The following NYAP1 variants were observed in gnomAD, a reference collection of about 807,000 sequenced individuals.
NYAP1 encodes the protein neuronal tyrosine-phosphorylated phosphoinositide-3-kinase adapter 1.
NYAP1 carries 20 observed loss-of-function variants against 58.6 expected under a neutral mutation model. That is an observed-to-expected ratio of 0.34 (90% CI 0.24 to 0.50). The LOEUF is 0.50. Among genes scored for constraint, NYAP1 ranks in the 20% least tolerant of loss-of-function variants. The pLI, the probability that NYAP1 is intolerant of heterozygous loss-of-function variation, is 0.98. For synonymous variants in NYAP1, 572 were observed against 523.1 expected (o/e 1.09, Z -1.27); for missense variants, 1,150 against 1,194.5 (o/e 0.96, Z 0.55).
chr7:100,490,782 C>G lies in NYAP1; in HGVS notation c.2158+53C>G. 7.0e-7 allele frequency: 1 copy of G among 1,426,788 alleles called. No individual in the cohort carries two copies. The highest frequency in any genetic ancestry group is 9.3e-7 in the Non-Finnish European group (1 of 1,070,704). The allele number at this position is 1,426,788 out of a possible 1,614,324, so 88.4% of individuals were successfully genotyped here. ...CAGCGGGGCTGGCTGGGGGATCTCCCGGGGTCTAGCTGCACCTGTCCTGAC... is the reference window on the plus strand; with the variant it reads ...CAGCGGGGCTGGCTGGGGGATCTCCGGGGGTCTAGCTGCACCTGTCCTGAC... On this transcript the variant is annotated intron_variant, in intron 5 of 6. Transcript: ENST00000300179. The surrounding 1 kb of genome is among the most constrained non-coding windows in gnomAD (Gnocchi z 4.6).
chr7:100,491,962 G>A (rs1799801398), intron 6 of NYAP1, among the ~76,000 whole-genome samples: 2 of 152,162 alleles, frequency 1.3e-5, no homozygotes, highest in African/African-American at 2.4e-5. Flanking sequence ...CATAAGAATC[G>A]CCTGAACCCG....
At chr7:100,493,247 C>T (rs984086572) in intron 6 of NYAP1, among the ~76,000 whole-genome samples, 1 of 152,052 alleles carries the variant, frequency 6.6e-6, no homozygotes, top group Non-Finnish European at 1.5e-5. Context: ...GTCCCAGCTA[C>T]TTGGGAGGGA....
Position 100,485,261 on chromosome 7 carries a change from G to A in NYAP1, c.-51G>A. 1 of 1,215,326 alleles carries A rather than the reference G, an allele frequency of 8.2e-7. No homozygotes were observed. Among genetic ancestry groups the A allele is most frequent in the Non-Finnish European group, 1.2e-6 (1 of 840,404 alleles). 75.3% of individuals were successfully genotyped at this position (1,215,326 alleles called of 1,614,324 possible). ...GGACCCAGGGAGGGCCGCCCCCCGG[G>A]CCTGGTGGCACTGAGCAGGGCCCCC... is the stretch of plus-strand genomic sequence containing the variant. On this transcript the variant is annotated 5_prime_UTR_variant, in exon 2 of 7. Coordinates refer to ENST00000300179, the MANE Select transcript of NYAP1 (RefSeq NM_173564.4). This position sits in a 1 kb window ranked among gnomAD's most constrained non-coding sequence, Gnocchi z 5.7.
In NYAP1 at chr7:100,488,429, G is replaced by A; in HGVS notation, c.708G>A (p.Gly236=). The A allele has an allele frequency of 6.2e-7, 1 of 1,601,278 alleles. No homozygotes were observed. Among genetic ancestry groups the A allele is most frequent in the South Asian group, 1.1e-5 (1 of 90,022 alleles). The change falls in exon 4 of 7, where the codon GGG becomes GGA. Residue 236 remains glycine (G), a synonymous_variant. Transcript: ENST00000300179. The surrounding 1 kb of genome is among the most constrained non-coding windows in gnomAD (Gnocchi z 5.9). ...GGGRSGGGLA[G]PPLGGGGPTP... ...GACGAAGTGGAGGAGGCCTGGCTGG[G>A]CCCCCTCTTGGGGGTGGGGGCCCGA...
chr7:100,489,382 C>G lies in NYAP1; in HGVS notation c.1661C>G (p.Thr554Arg), dbSNP rs199771119. Reference sequence around the variant, plus strand: ...ACCCCGCTGTGGACCTACCCAGCCACAGCAGCTGGGCTCAAGAGACCCCCT... The same window carrying G: ...ACCCCGCTGTGGACCTACCCAGCCAGAGCAGCTGGGCTCAAGAGACCCCCT... ...PLTPLWTYPATAAGLKRPPAY... is the reference protein window; with the variant it reads ...PLTPLWTYPARAAGLKRPPAY... Residue 554 changes from threonine to arginine, a missense_variant, in exon 4 of 7, where the codon ACA becomes AGA. Coordinates refer to ENST00000300179, the MANE Select transcript of NYAP1 (RefSeq NM_173564.4). 269 of 1,612,780 alleles carry G rather than the reference C, an allele frequency of 1.7e-4. 1 individual carries two copies. The highest frequency in any genetic ancestry group is 2.0e-4 in the Non-Finnish European group (240 of 1,179,958).
chr7:100,487,086 C>A lies in NYAP1; in HGVS notation c.334C>A (p.Arg112=). The stretch of plus-strand genomic sequence containing the variant: ...GGGCCTCACAGAGGACAGCAGCACC[C>A]GAAGACCCCCTGCCAAGCCCCGGAG... The part of the protein sequence containing the change: ...SGGLTEDSST[R]RPPAKPRRHP... The change falls in exon 3 of 7, where the codon CGA becomes AGA. Residue 112 remains arginine, a synonymous_variant. Coordinates refer to ENST00000300179, the MANE Select transcript of NYAP1 (RefSeq NM_173564.4). This position sits in a 1 kb window ranked among gnomAD's most constrained non-coding sequence, Gnocchi z 4.1. 1 of 1,594,050 alleles carries A rather than the reference C, an allele frequency of 6.3e-7. No individual in the cohort carries two copies. The highest frequency in any genetic ancestry group is 1.1e-5 in the South Asian group (1 of 88,930).
In NYAP1 at chr7:100,490,477, C is replaced by G. The variant is rs1204215321; in HGVS notation, c.1946-40C>G. 1 of 1,526,208 alleles carries G rather than the reference C, an allele frequency of 6.6e-7. No homozygotes were observed. Among genetic ancestry groups the G allele is most frequent in the Non-Finnish European group, 8.9e-7 (1 of 1,122,272 alleles). 94.5% of individuals were successfully genotyped at this position (1,526,208 alleles called of 1,614,324 possible). On this transcript the variant is annotated intron_variant, in intron 4 of 6. Transcript: ENST00000300179. This position sits in a 1 kb window ranked among gnomAD's most constrained non-coding sequence, Gnocchi z 4.6. ...TGGCCAGAGGGACAGAATGACGCCT[C>G]CAACATGCAGGCACACAGCTCTCCT...
In NYAP1 at chr7:100,490,601, C is replaced by T. The variant is rs775026055; in HGVS notation, c.2030C>T (p.Ser677Leu). ...CGTGAGGACAGGGGCCCTGGGACATCGGGGATCCCAGTGAGAAGCCAGGGG... is the reference window on the plus strand; with the variant it reads ...CGTGAGGACAGGGGCCCTGGGACATTGGGGATCCCAGTGAGAAGCCAGGGG... ...VEREDRGPGT[S>L]GIPVRSQGAE... The change falls in exon 5 of 7, where the codon TCG becomes TTG. Residue 677 changes from serine to leucine, a missense_variant. Physicochemically the swap from Ser to Leu is moderately radical, Grantham distance 145. Transcript: ENST00000300179. This position sits in a 1 kb window ranked among gnomAD's most constrained non-coding sequence, Gnocchi z 4.6. The T allele has an allele frequency of 8.9e-6, 14 of 1,578,194 alleles. No individual in the cohort carries two copies. The highest frequency in any genetic ancestry group is 2.3e-5 in the South Asian group (2 of 86,058).
Position 100,490,874 on chromosome 7 carries a change from T to G in NYAP1, c.2159-112T>G. 1 of 1,068,352 alleles carries G rather than the reference T, an allele frequency of 9.4e-7. No individual in the cohort carries two copies. Among genetic ancestry groups the G allele is most frequent in the Non-Finnish European group, 1.3e-6 (1 of 745,678 alleles). The allele number at this position is 1,068,352 out of a possible 1,614,324, so 66.2% of individuals were successfully genotyped here. A position where few individuals can be genotyped will look rare whatever the true frequency, so the allele number is the denominator to read the frequency against. On this transcript the variant is annotated intron_variant, in intron 5 of 6. Transcript: ENST00000300179. The surrounding 1 kb of genome is among the most constrained non-coding windows in gnomAD (Gnocchi z 4.6). ...CTCATACCACATCTCCACCCCTTTT[T>G]CCCTTCTGATGAGGCAGGGGCAGCC...
rs1374818597 is a variant in NYAP1, at chr7:100,490,521, C to T, written c.1950C>T (p.Val650=). The T allele has an allele frequency of 2.5e-6, 4 of 1,580,754 alleles. No homozygotes were observed. Among genetic ancestry groups the T allele is most frequent in the African/African-American group, 1.3e-5 (1 of 74,482 alleles). Residue 650 remains valine (V), a synonymous_variant, in exon 5 of 7, where the codon GTC becomes GTT. Coordinates refer to ENST00000300179, the MANE Select transcript of NYAP1 (RefSeq NM_173564.4). This position sits in a 1 kb window ranked among gnomAD's most constrained non-coding sequence, Gnocchi z 4.6. ...CTCTCCTTGTCATCCCAGCAGAGGT[C>T]GAGGACGGTGCCCGGGCCTGGAATG... is the stretch of plus-strand genomic sequence containing the variant. ...GGRKAKELDK[V]EDGARAWNGS...
chr7:100,490,316 TG>T lies in NYAP1; in HGVS notation c.1946-199del, dbSNP rs755775641. ...AGACATGATTCTCAGCCCCAAGAGATGGTACCAATGGGTGGAAAGGAAGGGG... is the reference window on the plus strand; with the variant it reads ...AGACATGATTCTCAGCCCCAAGAGATGTACCAATGGGTGGAAAGGAAGGGG... On this transcript the variant is annotated intron_variant, in intron 4 of 6. Transcript: ENST00000300179. The surrounding 1 kb of genome is among the most constrained non-coding windows in gnomAD (Gnocchi z 4.6). 6.6e-5 allele frequency among the ~76,000 whole-genome samples: 10 copies of T among 151,988 alleles called. No individual in the cohort carries two copies. Among genetic ancestry groups the T allele is most frequent in the Non-Finnish European group, 1.0e-4 (7 of 67,944 alleles).
Position 100,493,775 on chromosome 7 carries a change from G to A in NYAP1, c.2398G>A (p.Asp800Asn). ...GGAGATCAAGGCGCGCCACCGCCCG[G>A]ACCGAGGCCTCTGCAAGCAGGAGAG... ...CKEIKARHRP[D>N]RGLCKQESMP... Residue 800 changes from aspartate to asparagine, a missense_variant, in exon 7 of 7, where the codon GAC (aspartate) becomes AAC (asparagine). Transcript: ENST00000300179. 1.2e-6 allele frequency: 2 copies of A among 1,605,662 alleles called. No individual in the cohort carries two copies. The highest frequency in any genetic ancestry group is 1.7e-6 in the Non-Finnish European group (2 of 1,178,384).
rs1799790123 is a variant in NYAP1 at position 100,491,073 on chromosome 7, A to G, written c.2246A>G (p.Gln749Arg). ...VVLHTPRPCS[Q>R]PRDALSQPHP... ...CTCCACACACCCCGGCCCTGCAGCC[A>G]GCCCAGGGATGCCCTGAGCCAGGTG... The change falls in exon 6 of 7, where the codon CAG becomes CGG. Residue 749 changes from glutamine (Q) to arginine (R), a missense_variant. Physicochemically the swap from Gln to Arg is conservative, Grantham distance 43. Coordinates refer to ENST00000300179, the MANE Select transcript of NYAP1 (RefSeq NM_173564.4). The G allele has an allele frequency of 6.4e-7, 1 of 1,558,044 alleles. No homozygotes were observed. Among genetic ancestry groups the G allele is most frequent in the South Asian group, 1.2e-5 (1 of 84,498 alleles).
At chr7:100,491,525 A>T (rs973731789) in intron 6 of NYAP1, among the ~76,000 whole-genome samples, 1 of 151,282 alleles carries the variant, frequency 6.6e-6, no homozygotes, top group Non-Finnish European at 1.5e-5. Flanking sequence ...TTACCCTGGG[A>T]GGTGGAGGTT....
Position 100,486,998 on chromosome 7 carries a change from C to T in NYAP1, c.246C>T (p.Ser82=), listed in dbSNP as rs569558355. 1.2e-6 allele frequency: 2 copies of T among 1,608,922 alleles called. No homozygotes were observed. The highest frequency in any genetic ancestry group is 1.7e-5 in the Admixed American group (1 of 59,546). Residue 82 remains serine, a synonymous_variant, in exon 3 of 7, where the codon TCC becomes TCT. Coordinates refer to ENST00000300179, the MANE Select transcript of NYAP1 (RefSeq NM_173564.4). The surrounding 1 kb of genome is among the most constrained non-coding windows in gnomAD (Gnocchi z 6.2). The part of the protein sequence containing the change: ...HPCRSAMAPR[S]LSCHSVGSMD... ...GCCGCAGCGCCATGGCCCCACGCTC[C>T]CTCTCCTGCCACTCGGTGGGCAGCA...
At chr7:100,492,278 C>T (rs891056786) in intron 6 of NYAP1, among the ~76,000 whole-genome samples, 1 of 150,966 alleles carries the variant, frequency 6.6e-6, no homozygotes, top group South Asian at 2.1e-4. Context: ...GGGCCTGAGC[C>T]AGCGCAGACA....
rs199667288 is a variant in NYAP1 at position 100,490,993 on chromosome 7, G to C, written c.2166G>C (p.Thr722=). 17 of 1,550,368 alleles carry C rather than the reference G, an allele frequency of 1.1e-5. No individual in the cohort carries two copies. Among genetic ancestry groups the C allele is most frequent in the Non-Finnish European group, 1.5e-5 (17 of 1,145,764 alleles). Residue 722 remains threonine, a synonymous_variant, in exon 6 of 7, where the codon ACG becomes ACC. Transcript: ENST00000300179. This position sits in a 1 kb window ranked among gnomAD's most constrained non-coding sequence, Gnocchi z 4.6. The stretch of plus-strand genomic sequence containing the variant: ...CTCCTTCTTCCACCTCAGACTTCAC[G>C]GGAGGCTACCGCCTGGGGCGCTCCG... ...FPACHRNGDF[T]GGYRLGRSAS...
chr7:100,491,060 C>T lies in NYAP1; in HGVS notation c.2233C>T (p.Arg745Trp), dbSNP rs752933762. The T allele has an allele frequency of 1.3e-5, 20 of 1,559,258 alleles. No individual in the cohort carries two copies. Among genetic ancestry groups the T allele is most frequent in the African/African-American group, 9.5e-5 (7 of 73,412 alleles). Residue 745 changes from arginine to tryptophan, a missense_variant, in exon 6 of 7, where the codon CGG (arginine) becomes TGG (tryptophan). By Grantham distance (101) the Arg-to-Trp change is moderately radical. Coordinates refer to ENST00000300179, the MANE Select transcript of NYAP1 (RefSeq NM_173564.4). Reference protein sequence around the residue: ...GVRQVVLHTPRPCSQPRDALS... With the variant: ...GVRQVVLHTPWPCSQPRDALS... ...CCGGCAGGTCGTGCTCCACACACCC[C>T]GGCCCTGCAGCCAGCCCAGGGATGC...
In NYAP1 at chr7:100,490,738, G is replaced by T; in HGVS notation, c.2158+9G>T. On this transcript the variant is annotated intron_variant, in intron 5 of 6. Transcript: ENST00000300179. This position sits in a 1 kb window ranked among gnomAD's most constrained non-coding sequence, Gnocchi z 4.6. ...CTGCCACCGCAATGGAGGTGACGCG[G>T]CCTGCACACACCTGTGCACAGCGGG... 1 of 1,500,508 alleles carries T rather than the reference G, an allele frequency of 6.7e-7. No homozygotes were observed. The highest frequency in any genetic ancestry group is 8.9e-7 in the Non-Finnish European group (1 of 1,120,954). 92.9% of individuals were successfully genotyped at this position (1,500,508 alleles called of 1,614,324 possible).
Sources: gnomAD v4.1 joint callset for allele counts (sites outside exome capture counted in the v4.1 genomes callset) on GRCh38, gnomAD v4.1.1 for gene constraint, Gnocchi (gnomAD v3.1) non-coding constraint, MANE v1.5 for transcripts, NCBI Gene and HGNC (gene_info 2026-07-23, HGNC 2026-07-21) for gene names.